PTPRS: variants seen among roughly 807,000 people sequenced by gnomAD.
PTPRS encodes the protein receptor-type tyrosine-protein phosphatase S.
In PTPRS, 63 loss-of-function variants were observed where a neutral mutation model predicts 215.3. The observed-to-expected ratio is 0.29, with a 90% CI of 0.24 to 0.36. PTPRS has a LOEUF of 0.36. Ranked by LOEUF, PTPRS falls within the 10% of genes least tolerant of loss-of-function variation. PTPRS has a pLI of 1.00. For synonymous variants in PTPRS, 1,404 were observed against 1,191.4 expected (o/e 1.18, Z -3.68); for missense variants, 2,258 against 2,825.8 (o/e 0.80, Z 4.56).
intron 9 of PTPRS, among the ~76,000 whole-genome samples, chr19:5,254,697 G>C (rs534299179): frequency 7.9e-5 from 12 of 152,172 alleles, no homozygotes; most frequent in Admixed American, 2.0e-4. Flanking sequence ...TGTGTTGCTG[G>C]ACAAAAGACG....
intron 16 of PTPRS, among the ~76,000 whole-genome samples, chr19:5,228,734 G>C (rs1325151817): frequency 6.6e-6 from 1 of 152,218 alleles, no homozygotes; most frequent in African/African-American, 2.4e-5. Context: ...TCCAGAGAGA[G>C]GTAGCAACTT....
At chr19:5,220,835 C>T (rs1399086053) in intron 20 of PTPRS, among the ~76,000 whole-genome samples, 165 bp downstream of exon 20, 4 of 152,096 alleles carry the variant, frequency 2.6e-5, no homozygotes, top group Non-Finnish European at 5.9e-5. Context: ...GTGACAATGA[C>T]CCATGAGAAG....
rs545658474 is a variant in PTPRS, at chr19:5,206,060, T to TAAAAAAAAAA, written c.*704_*713dup. Among the ~76,000 whole-genome samples, 5 of 70,230 alleles carry TAAAAAAAAAA rather than the reference T, an allele frequency of 7.1e-5. No individual in the cohort carries two copies. The highest frequency in any genetic ancestry group is 1.6e-4 in the Admixed American group (1 of 6,186). The allele number at this position is 70,230 out of a possible 152,430, so 46.1% of individuals were successfully genotyped here. A position where few individuals can be genotyped will look rare whatever the true frequency, so the allele number is the denominator to read the frequency against. On this transcript the variant is annotated 3_prime_UTR_variant, in exon 38 of 38. Transcript: ENST00000262963. The stretch of plus-strand genomic sequence containing the variant: ...CACACTTTCTGATGGTAGGAAAAAT[T>TAAAAAAAAAA]AAAAAAAAAAAAAAAAAAAAAAAAG...
Position 5,294,868 on chromosome 19 carries a change from C to A in PTPRS, c.-94-8634G>T, listed in dbSNP as rs2049083692. Among the ~76,000 whole-genome samples, 1 of 152,214 alleles carries A rather than the reference C, an allele frequency of 6.6e-6. No homozygotes were observed. Among genetic ancestry groups the A allele is most frequent in the Non-Finnish European group, 1.5e-5 (1 of 68,038 alleles). ...CACAGAGCACACAGGAGGTGCTAAA[C>A]ACAGGATGCCGTGACGTCCCCCGTC... On this transcript the variant is annotated intron_variant, in intron 1 of 37. Coordinates refer to ENST00000262963, the MANE Select transcript of PTPRS (RefSeq NM_002850.4). This position sits in a 1 kb window ranked among gnomAD's most constrained non-coding sequence, Gnocchi z 5.1.
chr19:5,225,738 G>A lies in PTPRS; in HGVS notation c.2483C>T (p.Thr828Ile). Reference sequence around the variant, plus strand: ...GGCGGGTTGCATACCTGCTCCCTTGGTCACAACCACCTTGGGTTTGCTGCG... The same window carrying A: ...GGCGGGTTGCATACCTGCTCCCTTGATCACAACCACCTTGGGTTTGCTGCG... ...GARSKPKVVV[T>I]KGAVLGRPTL... is the part of the protein sequence containing the mutation. Residue 828 changes from threonine to isoleucine, a missense_variant, in exon 17 of 38, where the codon ACC becomes ATC. Thr to Ile is a moderately conservative substitution (Grantham distance 89). This residue lies in a region of PTPRS where 371 missense variants were observed against 446.7 expected (regional missense o/e 0.83). Transcript: ENST00000262963. 1 of 1,614,008 alleles carries A rather than the reference G, an allele frequency of 6.2e-7. No individual in the cohort carries two copies. The highest frequency in any genetic ancestry group is 8.5e-7 in the Non-Finnish European group (1 of 1,179,946).
At position 5,328,215 on chromosome 19, in the gene PTPRS, C is replaced by G. The variant is rs756896862; in HGVS notation, c.-95+12449G>C. ...CACTGCAACCTCTGCCTCCCGGGTT[C>G]AAGCGATTCTCCTGACTTAACCTCC... On this transcript the variant is annotated intron_variant, in intron 1 of 37. Coordinates refer to ENST00000262963, the MANE Select transcript of PTPRS (RefSeq NM_002850.4). Among the ~76,000 whole-genome samples the G allele has an allele frequency of 2.0e-5, 3 of 152,172 alleles. No individual in the cohort carries two copies. The South Asian group carries it at 6.2e-4, about 32-fold the overall frequency.
In PTPRS at chr19:5,265,037, C is replaced by G; in HGVS notation, c.539G>C (p.Ser180Thr). The change falls in exon 5 of 38, where the codon AGC becomes ACC. Residue 180 changes from serine (S) to threonine (T), a missense_variant. Around this residue, in one of 6 missense-constraint regions of PTPRS, gnomAD observed 508 missense variants for 799.4 expected, o/e 0.64. Transcript: ENST00000262963. ...KDFLPVDPSA[S>T]NGRIKQLRSE... ...TCGCAGCTGTTTGATGCGTCCATTG[C>G]TGGCACTAGGATCCACAGGCAGGAA... 1 of 1,614,140 alleles carries G rather than the reference C, an allele frequency of 6.2e-7. No individual in the cohort carries two copies. The highest frequency in any genetic ancestry group is 8.5e-7 in the Non-Finnish European group (1 of 1,180,014).
chr19:5,206,213 A>C lies in PTPRS; in HGVS notation c.*561T>G, dbSNP rs1022627458. On this transcript the variant is annotated 3_prime_UTR_variant, in exon 38 of 38. Coordinates refer to ENST00000262963, the MANE Select transcript of PTPRS (RefSeq NM_002850.4). ...AATAAGCCAAAGTTAGTTCTCTTTGAAAGTCATTGACTGGCGAGTCTTTTG... is the reference window on the plus strand; with the variant it reads ...AATAAGCCAAAGTTAGTTCTCTTTGCAAGTCATTGACTGGCGAGTCTTTTG... 8.7e-5 allele frequency among the ~76,000 whole-genome samples: 13 copies of C among 149,436 alleles called. No individual in the cohort carries two copies. Among genetic ancestry groups the C allele is most frequent in the Admixed American group, 8.1e-4 (12 of 14,778 alleles).
rs1211770777 is a variant in PTPRS, at chr19:5,215,329, G to A, written c.4278C>T (p.Ile1426=). ...NKPKNRYANV[I]AYDHSRVILQ... Reference sequence around the variant, plus strand: ...GGATGACACGGGAGTGGTCATAGGCGATGACGTTGGCATAGCGGTTCTTCG... The same window carrying A: ...GGATGACACGGGAGTGGTCATAGGCAATGACGTTGGCATAGCGGTTCTTCG... Residue 1426 remains isoleucine (I), a synonymous_variant, in exon 28 of 38, where the codon ATC becomes ATT. Transcript: ENST00000262963. 2.0e-5 allele frequency: 32 copies of A among 1,614,166 alleles called. No individual in the cohort carries two copies. Among genetic ancestry groups the A allele is most frequent in the Admixed American group, 5.0e-5 (3 of 60,034 alleles).
In PTPRS at chr19:5,237,567, T is replaced by G. The variant is rs1175414952; in HGVS notation, c.1849+1352A>C. 6.6e-6 allele frequency among the ~76,000 whole-genome samples: 1 copy of G among 152,118 alleles called. No homozygotes were observed. The highest frequency in any genetic ancestry group is 1.5e-5 in the Non-Finnish European group (1 of 68,020). On this transcript the variant is annotated intron_variant, in intron 13 of 37. Transcript: ENST00000262963. The surrounding 1 kb of genome is among the most constrained non-coding windows in gnomAD (Gnocchi z 4.2). Reference sequence around the variant, plus strand: ...GCGTGGCATGGTGGTGGCACGTGGTTTGGGAGAGTTTCTGGGGCCGAATTC... The same window carrying G: ...GCGTGGCATGGTGGTGGCACGTGGTGTGGGAGAGTTTCTGGGGCCGAATTC...
At chr19:5,221,728 G>A (rs2041996411) in intron 19 of PTPRS, among the ~76,000 whole-genome samples, 1 of 151,842 alleles carries the variant, frequency 6.6e-6, no homozygotes, top group African/African-American at 2.4e-5. Context: ...ACTAAACTCT[G>A]ACCTCAGGCT....
chr19:5,222,081 T>C, intron 19 of PTPRS, 42 bp downstream of exon 19: 4 of 1,534,760 alleles, frequency 2.6e-6, no homozygotes, highest in Non-Finnish European at 3.6e-6. Flanking sequence ...CTACAACCCC[T>C]GACCCTGCCT....
At chr19:5,309,907 T>C (rs1255139231) in intron 1 of PTPRS, among the ~76,000 whole-genome samples, 2 of 151,728 alleles carry the variant, frequency 1.3e-5, no homozygotes, top group African/African-American at 4.8e-5. Flanking sequence ...CAGCCAGGGG[T>C]CGCCTGTGAA....
intron 1 of PTPRS, among the ~76,000 whole-genome samples, chr19:5,315,373 T>TC (rs2049842711): frequency 8.9e-6 from 1 of 111,874 alleles, no homozygotes; most frequent in Non-Finnish European, 1.8e-5. Flanking sequence ...TTTTTTTTTT[T>TC]TTTTTTTTGA....
At position 5,339,591 on chromosome 19, in the gene PTPRS, A is replaced by AT. The variant is rs2050619302; in HGVS notation, c.-95+1072dup. The stretch of plus-strand genomic sequence containing the variant: ...GGGAGGTCCGAAGGGGAGGATCTTA[A>AT]TTTTAGGAGAGATTCCCATAAAGAG... On this transcript the variant is annotated intron_variant, in intron 1 of 37. Coordinates refer to ENST00000262963, the MANE Select transcript of PTPRS (RefSeq NM_002850.4). This position sits in a 1 kb window ranked among gnomAD's most constrained non-coding sequence, Gnocchi z 4.2. Among the ~76,000 whole-genome samples the AT allele has an allele frequency of 6.6e-6, 1 of 151,988 alleles. No homozygotes were observed. The highest frequency in any genetic ancestry group is 1.5e-5 in the Non-Finnish European group (1 of 67,944).
intron 1 of PTPRS, among the ~76,000 whole-genome samples, chr19:5,300,707 G>A (rs1481749931): frequency 7.0e-6 from 1 of 143,192 alleles, no homozygotes; most frequent in Non-Finnish European, 1.5e-5. Flanking sequence ...GGCAGAGGTT[G>A]CAGTAAGCTG....
At chr19:5,289,949 G>A (rs2048673470) in intron 1 of PTPRS, among the ~76,000 whole-genome samples, 2 of 152,218 alleles carry the variant, frequency 1.3e-5, no homozygotes, top group African/African-American at 4.8e-5. Context: ...TCTTGCAAAA[G>A]GCAGCCTGGG....
At chr19:5,263,440 C>A (rs1038872568) in intron 5 of PTPRS, among the ~76,000 whole-genome samples, 1 of 151,426 alleles carries the variant, frequency 6.6e-6, no homozygotes, top group Non-Finnish European at 1.5e-5. Context: ...TGGGGGGCAA[C>A]GATGGGCAGT....
At chr19:5,228,764 T>G (rs551783039) in intron 16 of PTPRS, among the ~76,000 whole-genome samples, 4 of 152,276 alleles carry the variant, frequency 2.6e-5, no homozygotes, top group African/African-American at 9.6e-5. Flanking sequence ...CACACAGCAA[T>G]TCCTCTCTGG....
Sources: gnomAD v4.1 joint callset for allele counts (sites outside exome capture counted in the v4.1 genomes callset) on GRCh38, gnomAD v4.1.1 for gene constraint, gnomAD v4.1.1 regional missense constraint, Gnocchi (gnomAD v3.1) non-coding constraint, MANE v1.5 for transcripts, NCBI Gene and HGNC (gene_info 2026-07-23, HGNC 2026-07-21) for gene names.